UBE2R2: variants seen among roughly 807,000 people sequenced by gnomAD.
UBE2R2 encodes the protein ubiquitin conjugating enzyme E2 R2.
In UBE2R2, 1 loss-of-function variant was observed where a neutral mutation model predicts 27.8. The observed-to-expected ratio is 0.04, with a 90% CI of 0.01 to 0.17. The LOEUF (loss-of-function observed/expected upper bound fraction) is 0.17. UBE2R2 is among the 10% of genes least tolerant of loss of function. The pLI is 1.00. For missense variants in UBE2R2, 100 were observed against 291.0 expected, an observed-to-expected ratio of 0.34 and a Z score of 4.78; for synonymous variants, 106 against 113.3, an observed-to-expected ratio of 0.94 and a Z score of 0.41.
chr9:33,887,109 G>A, intron 2 of UBE2R2, 142 bp downstream of exon 2: 1 of 665,292 alleles, frequency 1.5e-6, no homozygotes. Flanking sequence ...TCAGTTAACA[G>A]TTTCTGGATT....
At chr9:33,907,273 T>C (rs1822375975) in intron 3 of UBE2R2, among the ~76,000 whole-genome samples, 1 of 152,232 alleles carries the variant, frequency 6.6e-6, no homozygotes, top group African/African-American at 2.4e-5. Flanking sequence ...TGCTTTTGCC[T>C]GTCCTTTTTT....
chr9:33,887,411 A>G (rs1392522626), intron 2 of UBE2R2, among the ~76,000 whole-genome samples: 1 of 152,186 alleles, frequency 6.6e-6, no homozygotes, highest in Non-Finnish European at 1.5e-5. Context: ...CCTTTTAGGA[A>G]TTGCTGCTGA....
At chr9:33,856,820 T>G (rs1821112348) in intron 1 of UBE2R2, among the ~76,000 whole-genome samples, 1 of 148,126 alleles carries the variant, frequency 6.8e-6, no homozygotes, top group African/African-American at 2.4e-5. Flanking sequence ...CGTCCTTCCA[T>G]CCATCCATCC....
chr9:33,831,074 C>CAAAAAAAAAAAAAAAAAA (rs60428230), intron 1 of UBE2R2: 1 of 88,280 alleles, frequency 1.1e-5, no homozygotes, highest in Non-Finnish European at 2.3e-5. Context: ...ACTGAACTAG[C>CAAAAAAAAAAAAAAAAAA]AAAAAAAAAA....
chr9:33,825,244 CTTTTTTTTTT>C, intron 1 of UBE2R2, among the ~76,000 whole-genome samples: 1 of 119,626 alleles, frequency 8.4e-6, no homozygotes, highest in Admixed American at 9.2e-5. Flanking sequence ...AAAAGCAAAG[CTTTTTTTTTT>C]TTTTTTTTTG....
intron 1 of UBE2R2, among the ~76,000 whole-genome samples, chr9:33,849,687 A>C (rs1383853847): frequency 1.1e-5 from 1 of 91,982 alleles, no homozygotes; most frequent in East Asian, 4.5e-4. Context: ...CCTCATCTCT[A>C]CTTAAAAAAA....
intron 1 of UBE2R2, among the ~76,000 whole-genome samples, chr9:33,882,671 T>C (rs1435376538): frequency 6.6e-6 from 1 of 152,242 alleles, no homozygotes; most frequent in Non-Finnish European, 1.5e-5. Context: ...TTATTGTGAT[T>C]TTAATGCATA....
chr9:33,861,193 C>A (rs1425578167), intron 1 of UBE2R2, among the ~76,000 whole-genome samples: 1 of 150,284 alleles, frequency 6.7e-6, no homozygotes, highest in Admixed American at 6.6e-5. Flanking sequence ...ATCTCCTGAC[C>A]TCATGATCCG....
At chr9:33,859,178 C>T (rs1821169759) in intron 1 of UBE2R2, among the ~76,000 whole-genome samples, 2 of 152,104 alleles carry the variant, frequency 1.3e-5, no homozygotes, top group Admixed American at 1.3e-4. Flanking sequence ...GGTTTCTGAG[C>T]AGTAATGCAT....
intron 1 of UBE2R2, among the ~76,000 whole-genome samples, chr9:33,849,661 G>A (rs1246533266): frequency 2.0e-5 from 3 of 149,636 alleles, no homozygotes; most frequent in Non-Finnish European, 4.4e-5. Flanking sequence ...AGACCAGCCT[G>A]GACAACATGG....
intron 4 of UBE2R2, among the ~76,000 whole-genome samples, chr9:33,916,312 G>T (rs1285640182): frequency 6.6e-6 from 1 of 152,188 alleles, no homozygotes; most frequent in Non-Finnish European, 1.5e-5. Context: ...CTGCACTCCA[G>T]CCTGGGTGAC....
intron 3 of UBE2R2, among the ~76,000 whole-genome samples, chr9:33,906,770 C>G (rs1822367237): frequency 6.6e-6 from 1 of 152,214 alleles, no homozygotes; most frequent in Non-Finnish European, 1.5e-5. Flanking sequence ...GGCGCAGTGG[C>G]TCATGTCCTT....
intron 3 of UBE2R2, among the ~76,000 whole-genome samples, chr9:33,906,913 C>A (rs963870045): frequency 2.6e-5 from 4 of 152,134 alleles, no homozygotes; most frequent in African/African-American, 7.2e-5. Context: ...CACCTGTAGT[C>A]CCAGCTACTC....
chr9:33,881,131 A>C (rs1449873877), intron 1 of UBE2R2, among the ~76,000 whole-genome samples: 1 of 152,146 alleles, frequency 6.6e-6, no homozygotes, highest in Non-Finnish European at 1.5e-5. Flanking sequence ...CACACAGTTA[A>C]TATTATGTCT....
chr9:33,876,236 C>T (rs1821599881), intron 1 of UBE2R2, among the ~76,000 whole-genome samples: 1 of 152,026 alleles, frequency 6.6e-6, no homozygotes, highest in African/African-American at 2.4e-5. Context: ...GTGGCATGCG[C>T]CTGTAGCTAC....
intron 3 of UBE2R2, among the ~76,000 whole-genome samples, chr9:33,905,095 A>T (rs1822323808): frequency 6.6e-6 from 1 of 152,140 alleles, no homozygotes. Flanking sequence ...CCCCAGAACT[A>T]CTATCTGCTA....
intron 1 of UBE2R2, among the ~76,000 whole-genome samples, chr9:33,831,390 G>C (rs1820475708): frequency 6.6e-6 from 1 of 152,134 alleles, no homozygotes; most frequent in South Asian, 2.1e-4. Context: ...TTATTCAAAA[G>C]AATATTTTCC....
intron 2 of UBE2R2, among the ~76,000 whole-genome samples, chr9:33,890,308 G>A (rs1309136608): frequency 2.0e-5 from 3 of 152,006 alleles, no homozygotes; most frequent in South Asian, 2.1e-4. Flanking sequence ...GTGATAGGCC[G>A]GGCGCAGTGG....
chr9:33,880,419 G>A (rs369721354), intron 1 of UBE2R2, among the ~76,000 whole-genome samples: 1 of 152,028 alleles, frequency 6.6e-6, no homozygotes, highest in African/African-American at 2.4e-5. Context: ...AATGTTTGGG[G>A]ATTTACTAAA....
Sources: gnomAD v4.1 joint callset for allele counts (sites outside exome capture counted in the v4.1 genomes callset) on GRCh38, gnomAD v4.1.1 for gene constraint, MANE v1.5 for transcripts, NCBI Gene and HGNC (gene_info 2026-07-23, HGNC 2026-07-21) for gene names.